GRM7: variants seen among roughly 807,000 people sequenced by gnomAD.
GRM7 encodes the protein metabotropic glutamate receptor 7.
In GRM7, 35 loss-of-function variants were observed where a neutral mutation model predicts 84.5. The ratio of observed to expected loss-of-function variants is 0.41; its 90% CI spans 0.32 to 0.55. The LOEUF (loss-of-function observed/expected upper bound fraction) is 0.55, where lower values mean the gene tolerates loss of function less well. Among genes scored for constraint, GRM7 ranks in the 20% least tolerant of loss-of-function variants. GRM7 has a pLI of 0.19. For missense variants in GRM7, 1,003 were observed against 1,194.6 expected (o/e 0.84, Z 2.36); for synonymous variants, 487 against 455.1 (o/e 1.07, Z -0.89).
chr3:6,892,292 G>T (rs1396755817), intron 1 of GRM7, among the ~76,000 whole-genome samples: 3 of 152,118 alleles, frequency 2.0e-5, no homozygotes, highest in African/African-American at 4.8e-5. Flanking sequence ...AATTGAGGAG[G>T]CAGCAGTGCC....
At chr3:7,530,145 A>G (rs928008171) in intron 7 of GRM7, among the ~76,000 whole-genome samples, 1 of 119,252 alleles carries the variant, frequency 8.4e-6, no homozygotes, top group African/African-American at 3.2e-5. Context: ...CCCTGTGTCC[A>G]TGTGTTCTCA....
intron 8 of GRM7, among the ~76,000 whole-genome samples, chr3:7,621,929 A>G (rs1697378809): frequency 1.3e-5 from 2 of 152,158 alleles, no homozygotes; most frequent in Admixed American, 1.3e-4. Context: ...TGAAGATGGG[A>G]TTGTTAAATT....
At chr3:7,576,265 G>C (rs545395336) in intron 7 of GRM7, among the ~76,000 whole-genome samples, 7 of 152,252 alleles carry the variant, frequency 4.6e-5, no homozygotes, top group Middle Eastern at 6.8e-3. Flanking sequence ...ATGGCTTCCA[G>C]TGACTTATTG....
chr3:7,340,917 G>C (rs1045447689), intron 4 of GRM7, among the ~76,000 whole-genome samples: 1 of 152,082 alleles, frequency 6.6e-6, no homozygotes, highest in Non-Finnish European at 1.5e-5. Flanking sequence ...CTGGTAGTGA[G>C]GGCTGGTATT....
intron 8 of GRM7, among the ~76,000 whole-genome samples, chr3:7,672,693 C>G (rs750000429): frequency 3.3e-5 from 5 of 151,758 alleles, no homozygotes; most frequent in Non-Finnish European, 7.4e-5. Flanking sequence ...CAAGCTCCGC[C>G]TCCTGGGTTC....
At chr3:6,902,850 TACACACAC>T (rs34849112) in intron 1 of GRM7, among the ~76,000 whole-genome samples, 3 of 134,430 alleles carry the variant, frequency 2.2e-5, no homozygotes, top group African/African-American at 5.2e-5. Flanking sequence ...AACAGACTCC[TACACACAC>T]ACACACACAC....
intron 2 of GRM7, among the ~76,000 whole-genome samples, chr3:7,224,328 T>G (rs1696909969): frequency 1.3e-5 from 2 of 152,086 alleles, no homozygotes; most frequent in African/African-American, 4.8e-5. Context: ...TCATGAGAAT[T>G]TGCTCATTAT....
intron 8 of GRM7, among the ~76,000 whole-genome samples, chr3:7,617,643 G>A (rs56195255): frequency 0.1 from 15,605 of 151,966 alleles, 1,118 homozygotes; most frequent in African/African-American, 0.2. Context: ...AATGCAGTAC[G>A]GAAGGTAAAT....
Position 7,434,368 on chromosome 3 carries a change from C to G in GRM7, c.1175-18239C>G, listed in dbSNP as rs975416737. 2.6e-5 allele frequency among the ~76,000 whole-genome samples: 4 copies of G among 152,098 alleles called. No homozygotes were observed. The South Asian group carries it at 6.2e-4, about 24-fold the overall frequency. On this transcript the variant is annotated intron_variant, in intron 5 of 9. Coordinates refer to ENST00000357716, the MANE Select transcript of GRM7 (RefSeq NM_000844.4). ...TAATGGGAGTACCTTACTTTGTTCC[C>G]AATCATAACGTAAATCAGTCTGGCA...
intron 1 of GRM7, among the ~76,000 whole-genome samples, chr3:6,947,368 T>A (rs182044388): frequency 1.3e-5 from 2 of 152,352 alleles, no homozygotes; most frequent in African/African-American, 4.8e-5. Flanking sequence ...TTGATTTTCA[T>A]ACGTTGAACC....
chr3:7,432,033 C>T lies in GRM7; in HGVS notation c.1174+16870C>T, dbSNP rs561031870. Reference sequence around the variant, plus strand: ...GCTTCCCAGATACTCCAAAGGGCCCCGAACAAGCTACAAGGTAGAGTTGCT... The same window carrying T: ...GCTTCCCAGATACTCCAAAGGGCCCTGAACAAGCTACAAGGTAGAGTTGCT... On this transcript the variant is annotated intron_variant, in intron 5 of 9. Transcript: ENST00000357716. 3.3e-4 allele frequency among the ~76,000 whole-genome samples: 50 copies of T among 152,166 alleles called. No homozygotes were observed. The South Asian group carries it at 8.1e-3, about 25-fold the overall frequency.
Position 7,667,356 on chromosome 3 carries a change from G to A in GRM7, c.2452-12693G>A, listed in dbSNP as rs181864734. Among the ~76,000 whole-genome samples, 54 of 151,976 alleles carry A rather than the reference G, an allele frequency of 3.6e-4. 1 individual carries two copies. Among genetic ancestry groups the A allele is most frequent in the African/African-American group, 9.4e-4 (39 of 41,430 alleles). ...AATAACATTTTCAGGCACTTCTGCAGGCACTCGGATGGGTGGGCCTGACAT... is the reference window on the plus strand; with the variant it reads ...AATAACATTTTCAGGCACTTCTGCAAGCACTCGGATGGGTGGGCCTGACAT... On this transcript the variant is annotated intron_variant, in intron 8 of 9. Transcript: ENST00000357716.
intron 4 of GRM7, among the ~76,000 whole-genome samples, chr3:7,367,042 A>G (rs1056249676): frequency 4.0e-5 from 6 of 151,820 alleles, no homozygotes; most frequent in Non-Finnish European, 8.8e-5. Context: ...TATGTTCTCA[A>G]TGGGTTACTG....
At chr3:7,130,289 A>G (rs900217649) in intron 1 of GRM7, among the ~76,000 whole-genome samples, 2 of 152,176 alleles carry the variant, frequency 1.3e-5, no homozygotes, top group African/African-American at 2.4e-5. Context: ...CACACCTGTA[A>G]TGCCAGCACT....
At chr3:7,150,926 G>C (rs765310835) in intron 2 of GRM7, among the ~76,000 whole-genome samples, 103 of 152,164 alleles carry the variant, frequency 6.8e-4, no homozygotes, top group Non-Finnish European at 1.1e-3. Flanking sequence ...ACTATTTCCA[G>C]GAAAATCTCA....
chr3:7,636,364 T>G, intron 8 of GRM7: 1 of 452,464 alleles, frequency 2.2e-6, no homozygotes, highest in Non-Finnish European at 4.5e-6. Flanking sequence ...CTATTTATTT[T>G]CCTGAGCATC....
At chr3:7,354,707 C>T (rs1693314752) in intron 4 of GRM7, among the ~76,000 whole-genome samples, 1 of 152,110 alleles carries the variant, frequency 6.6e-6, no homozygotes, top group Non-Finnish European at 1.5e-5. Flanking sequence ...ATTGTCAAAG[C>T]CTTACCACAT....
At chr3:7,552,554 T>C (rs919002991) in intron 7 of GRM7, among the ~76,000 whole-genome samples, 1 of 152,200 alleles carries the variant, frequency 6.6e-6, no homozygotes, top group African/African-American at 2.4e-5. Context: ...GGTGTTTCCA[T>C]ATATCCTCTG....
chr3:7,059,196 A>G (rs1156945436), intron 1 of GRM7, among the ~76,000 whole-genome samples: 22 of 151,856 alleles, frequency 1.4e-4, no homozygotes, highest in Admixed American at 1.4e-3. Flanking sequence ...ACATATATGT[A>G]ACAGTGTTTC....
Sources: allele counts gnomAD v4.1 joint callset (sites outside exome capture counted in the v4.1 genomes callset), GRCh38; gene constraint gnomAD v4.1.1; transcripts MANE v1.5; gene names NCBI Gene and HGNC (gene_info 2026-07-23, HGNC 2026-07-21).